The following ZNF831 variants were observed in gnomAD, a reference collection of about 807,000 sequenced individuals.
ZNF831 encodes the protein chromosome 20 open reading frame 174.
Under a neutral mutation model 95.8 loss-of-function variants are expected in ZNF831, and 59 were observed. That is an observed-to-expected ratio of 0.62 (90% CI 0.50 to 0.77). The LOEUF is 0.77. Ranked by LOEUF, ZNF831 falls within the 30% of genes least tolerant of loss-of-function variation. The pLI, the probability that ZNF831 is intolerant of heterozygous loss-of-function variation, is 0.00. For synonymous variants in ZNF831, 961 were observed against 925.5 expected (o/e 1.04, Z -0.70); for missense variants, 2,205 against 2,164.0 (o/e 1.02, Z -0.38).
rs1983809710 is a variant in ZNF831, at chr20:59,193,619, G to A, written c.2600G>A (p.Gly867Glu). ...GATGCCGATCCCGGGGAGGTGCCAGGGGGCTCAAAGGAGAGTGCCAGGCAG... is the reference window on the plus strand; with the variant it reads ...GATGCCGATCCCGGGGAGGTGCCAGAGGGCTCAAAGGAGAGTGCCAGGCAG... ...KQDADPGEVP[G>E]GSKESARQVG... The change falls in exon 2 of 6, where the codon GGG becomes GAG. Residue 867 changes from glycine to glutamate, a missense_variant. Coordinates refer to ENST00000371030, the MANE Select transcript of ZNF831 (RefSeq NM_178457.3). The A allele has an allele frequency of 1.2e-6, 2 of 1,612,420 alleles. No individual in the cohort carries two copies. The highest frequency in any genetic ancestry group is 2.7e-5 in the African/African-American group (2 of 74,924).
At chr20:59,221,640 G>A (rs1015872451) in intron 4 of ZNF831, among the ~76,000 whole-genome samples, 4 of 152,382 alleles carry the variant, frequency 2.6e-5, no homozygotes, top group South Asian at 2.1e-4. Flanking sequence ...CTAATTAGGA[G>A]TCTTGCCCAA....
chr20:59,163,742 A>G (rs1264426507), upstream of ZNF831, among the ~76,000 whole-genome samples: 3 of 139,756 alleles, frequency 2.1e-5, no homozygotes, highest in Admixed American at 1.5e-4. Flanking sequence ...GTCTGCTTCT[A>G]TCTCTTCCTG....
intron 1 of ZNF831, among the ~76,000 whole-genome samples, chr20:59,143,228 T>C (rs548871408): frequency 3.3e-5 from 5 of 152,276 alleles, no homozygotes; most frequent in Non-Finnish European, 5.9e-5. Flanking sequence ...GCCATTTTGC[T>C]CCTAGGGCCT....
chr20:59,198,962 G>A (rs1030882997), intron 3 of ZNF831, among the ~76,000 whole-genome samples: 1 of 152,058 alleles, frequency 6.6e-6, no homozygotes, highest in Non-Finnish European at 1.5e-5. Context: ...CGTCTTTGAG[G>A]GGAGGTATTA....
chr20:59,238,049 C>T (rs568408491), intron 4 of ZNF831, among the ~76,000 whole-genome samples: 1 of 152,314 alleles, frequency 6.6e-6, no homozygotes, highest in African/African-American at 2.4e-5. Context: ...ACCTGAAACT[C>T]ATATGGAACC....
Position 59,153,147 on chromosome 20 carries a change from G to A in ZNF831, c.-1280-6505G>A, listed in dbSNP as rs574371338. On this transcript the variant is annotated intron_variant, in intron 2 of 7. Coordinates refer to the ZNF831 transcript ENST00000637017. ...CAACAACTCACTCTTTCCCACCTGAGCAGTGTCTCATACAGTCCCTGTTCC... is the reference window on the plus strand; with the variant it reads ...CAACAACTCACTCTTTCCCACCTGAACAGTGTCTCATACAGTCCCTGTTCC... Among the ~76,000 whole-genome samples, 15 of 152,316 alleles carry A rather than the reference G, an allele frequency of 9.8e-5. No individual in the cohort carries two copies. In the South Asian group the frequency reaches 2.9e-3, roughly 29 times the overall value.
intron 4 of ZNF831, among the ~76,000 whole-genome samples, chr20:59,214,113 A>C (rs142762909): frequency 6.6e-6 from 1 of 152,224 alleles, no homozygotes; most frequent in Non-Finnish European, 1.5e-5. Context: ...GAGATGAAAG[A>C]AGGAAAGAAA....
intron 4 of ZNF831, among the ~76,000 whole-genome samples, chr20:59,224,978 T>C (rs764104321): frequency 8.5e-5 from 13 of 152,148 alleles, no homozygotes; most frequent in Admixed American, 8.5e-4. Context: ...TCCTTTTTCA[T>C]TCTGTAGAGT....
intron 4 of ZNF831, among the ~76,000 whole-genome samples, chr20:59,213,284 A>T (rs1351908918): frequency 6.6e-6 from 1 of 152,212 alleles, no homozygotes; most frequent in East Asian, 1.9e-4. Flanking sequence ...AACCTCCAAA[A>T]TGGAGGTTTA....
At chr20:59,222,852 T>A (rs1460795182) in intron 4 of ZNF831, among the ~76,000 whole-genome samples, 1 of 152,150 alleles carries the variant, frequency 6.6e-6, no homozygotes, top group Non-Finnish European at 1.5e-5. Flanking sequence ...TATTTTATGT[T>A]CGTAGGGGTT....
chr20:59,166,565 C>G (rs866199864), intron 1 of ZNF831, among the ~76,000 whole-genome samples: 5 of 152,090 alleles, frequency 3.3e-5, no homozygotes, highest in Admixed American at 6.5e-5. Flanking sequence ...ATCCCTCCTG[C>G]TCTCCTCCTC....
At chr20:59,176,854 T>C (rs1982205973) in intron 1 of ZNF831, among the ~76,000 whole-genome samples, 1 of 152,238 alleles carries the variant, frequency 6.6e-6, no homozygotes, top group South Asian at 2.1e-4. Context: ...CAATACAATA[T>C]TCTGAATTCA....
At chr20:59,167,813 GCACTGAGCT>G (rs1462188139) in intron 1 of ZNF831, among the ~76,000 whole-genome samples, 3 of 152,028 alleles carry the variant, frequency 2.0e-5, no homozygotes, top group Admixed American at 6.5e-5. Context: ...GGCAGAGGTT[GCACTGAGCT>G]GAGATCGTGC....
chr20:59,127,668 G>C (rs1979218030), intron 1 of ZNF831, among the ~76,000 whole-genome samples: 1 of 152,184 alleles, frequency 6.6e-6, no homozygotes, highest in South Asian at 2.1e-4. Context: ...TTGCCACCTT[G>C]CCTGTGAGAT....
rs576840472 is a variant in ZNF831, at chr20:59,191,242, G to T, written c.223G>T (p.Ala75Ser). ...TVPPGGLQPR[A>S]PLVTGSLDGG... is the part of the protein sequence containing the mutation. ...GCCTCCCGGGGGCCTCCAGCCCCGC[G>T]CCCCGCTAGTGACGGGCAGCCTAGA... Residue 75 changes from alanine (A) to serine (S), a missense_variant, in exon 2 of 6, where the codon GCC becomes TCC. Ala to Ser is a moderately conservative substitution (Grantham distance 99). Transcript: ENST00000371030. The T allele has an allele frequency of 1.9e-6, 3 of 1,547,122 alleles. No homozygotes were observed. In the East Asian group the frequency reaches 6.8e-5, roughly 35 times the overall value.
intron 1 of ZNF831, among the ~76,000 whole-genome samples, chr20:59,130,903 C>G (rs986276819): frequency 6.6e-6 from 1 of 152,122 alleles, no homozygotes; most frequent in Admixed American, 6.5e-5. Context: ...TGGCTGAGCT[C>G]TGTGAGCCCC....
intron 1 of ZNF831, among the ~76,000 whole-genome samples, chr20:59,175,319 T>A (rs1380227334): frequency 6.6e-6 from 1 of 152,174 alleles, no homozygotes; most frequent in Non-Finnish European, 1.5e-5. Flanking sequence ...ATTTGAGCAC[T>A]TTTTAAGCTC....
chr20:59,128,033 T>G (rs2076500004), intron 1 of ZNF831, among the ~76,000 whole-genome samples: 1 of 152,224 alleles, frequency 6.6e-6, no homozygotes, highest in African/African-American at 2.4e-5. Context: ...GTGAGGCGTT[T>G]GCAACCGTGC....
chr20:59,133,970 C>T (rs1361770355), intron 1 of ZNF831, among the ~76,000 whole-genome samples: 3 of 152,226 alleles, frequency 2.0e-5, no homozygotes, highest in Non-Finnish European at 4.4e-5. Context: ...CTGGGCTTGG[C>T]CCATGGTGGG....
Sources: gnomAD v4.1 joint callset for allele counts (sites outside exome capture counted in the v4.1 genomes callset) on GRCh38, gnomAD v4.1.1 for gene constraint, MANE v1.5 for transcripts, NCBI Gene and HGNC (gene_info 2026-07-23, HGNC 2026-07-21) for gene names.